PTPRK: variants seen among roughly 807,000 people sequenced by gnomAD.
PTPRK encodes the protein protein tyrosine phosphatase receptor type K.
PTPRK carries 75 observed loss-of-function variants against 178.0 expected under a neutral mutation model. The observed-to-expected ratio is 0.42, with a 90% CI of 0.35 to 0.51. PTPRK has a LOEUF of 0.51. Among genes scored for constraint, PTPRK ranks in the 20% least tolerant of loss-of-function variants. The probability of loss-of-function intolerance (pLI) is 0.02; values close to 1 mark genes in which losing one functional copy is unlikely to be tolerated. For synonymous variants in PTPRK, 637 were observed against 620.6 expected (o/e 1.03, Z -0.39); for missense variants, 1,441 against 1,797.8 (o/e 0.80, Z 3.59).
intron 13 of PTPRK, among the ~76,000 whole-genome samples, chr6:128,020,252 G>A (rs1773293509): frequency 6.6e-6 from 1 of 152,042 alleles, no homozygotes; most frequent in Admixed American, 6.6e-5. Context: ...AGTAAAACAA[G>A]CTGAGCTGAA....
chr6:128,220,299 G>A (rs557489482), intron 5 of PTPRK, among the ~76,000 whole-genome samples: 14 of 151,980 alleles, frequency 9.2e-5, no homozygotes, highest in African/African-American at 3.4e-4. Context: ...AAGTGAATAG[G>A]GTATAAAAAA....
chr6:128,298,473 A>T (rs539851327), intron 3 of PTPRK, among the ~76,000 whole-genome samples: 4,089 of 151,450 alleles, frequency 0.027, 203 homozygotes, highest in African/African-American at 0.095. Context: ...ATCCTCAATA[A>T]AATACTGGCA....
intron 1 of PTPRK, among the ~76,000 whole-genome samples, chr6:128,412,066 T>TA (rs1842366239): frequency 1.3e-5 from 2 of 152,332 alleles, no homozygotes; most frequent in Middle Eastern, 3.4e-3. Context: ...TTTAAATCCA[T>TA]AAAAAATTCT....
At chr6:128,005,321 A>T (rs1778293649) in intron 14 of PTPRK, 77 bp from the exon 15 acceptor site, 14 of 1,420,668 alleles carry the variant, frequency 9.9e-6, no homozygotes, top group Non-Finnish European at 9.7e-7. Context: ...TAAATAGTCC[A>T]GGTGAGCCCG....
At chr6:128,470,754 T>C (rs1372713253) in intron 1 of PTPRK, among the ~76,000 whole-genome samples, 33 of 149,802 alleles carry the variant, frequency 2.2e-4, no homozygotes, top group African/African-American at 6.8e-4. Context: ...TCTCTCTTTT[T>C]TTTTTTTTTT....
intron 1 of PTPRK, among the ~76,000 whole-genome samples, chr6:128,460,148 G>A (rs1040845869): frequency 6.6e-5 from 10 of 152,160 alleles, no homozygotes; most frequent in African/African-American, 2.4e-4. Flanking sequence ...TGAGATTTGG[G>A]TGGGGACACC....
At chr6:128,263,107 G>A (rs1022780829) in intron 3 of PTPRK, among the ~76,000 whole-genome samples, 1 of 152,048 alleles carries the variant, frequency 6.6e-6, no homozygotes, top group African/African-American at 2.4e-5. Context: ...AACGCTCCCT[G>A]GGCCAAACAC....
At chr6:128,098,468 C>A (rs901357428) in intron 7 of PTPRK, among the ~76,000 whole-genome samples, 1 of 152,034 alleles carries the variant, frequency 6.6e-6, no homozygotes, top group African/African-American at 2.4e-5. Context: ...TGGAACAGAG[C>A]CAAGTTACCC....
At chr6:128,483,326 G>T (rs1028828904) in intron 1 of PTPRK, among the ~76,000 whole-genome samples, 1 of 151,814 alleles carries the variant, frequency 6.6e-6, no homozygotes, top group African/African-American at 2.4e-5. Context: ...CCTATGAGAG[G>T]TATTTTTTTC....
rs750423577 is a variant in PTPRK, at chr6:128,422,676, C to CAAAAAAAA, written c.101-24996_101-24989dup. On this transcript the variant is annotated intron_variant, in intron 1 of 29. Coordinates refer to ENST00000368226, the MANE Select transcript of PTPRK (RefSeq NM_002844.4). Reference sequence around the variant, plus strand: ...AATAGTTTTTAACATTTCACGGACGCAAAAAAAAAAAAAAAAAAAAAAAAA... The same window carrying CAAAAAAAA: ...AATAGTTTTTAACATTTCACGGACGCAAAAAAAAAAAAAAAAAAAAAAAAAAAAAAAAA... Among the ~76,000 whole-genome samples the CAAAAAAAA allele has an allele frequency of 1.0e-3, 15 of 14,716 alleles. 1 individual carries two copies. The highest frequency in any genetic ancestry group is 2.5e-3 in the African/African-American group (15 of 6,038). 9.7% of individuals were successfully genotyped at this position (14,716 alleles called of 152,430 possible).
At chr6:128,492,482 G>A (rs1298894489) in intron 1 of PTPRK, among the ~76,000 whole-genome samples, 2 of 152,176 alleles carry the variant, frequency 1.3e-5, no homozygotes, top group East Asian at 3.9e-4. Context: ...TGGTGGTTGA[G>A]ATCAAGTATT....
At chr6:128,187,043 C>G (rs1348652765) in intron 6 of PTPRK, among the ~76,000 whole-genome samples, 1 of 152,040 alleles carries the variant, frequency 6.6e-6, no homozygotes, top group Non-Finnish European at 1.5e-5. Context: ...ATAGAATAAA[C>G]AGTCACAATA....
chr6:128,514,369 GAT>G, intron 1 of PTPRK, among the ~76,000 whole-genome samples: 1 of 120,738 alleles, frequency 8.3e-6, no homozygotes, highest in East Asian at 3.0e-4. Context: ...GCATTGTTAA[GAT>G]GTGTGTGTGT....
chr6:128,452,663 CTTA>C (rs1026407339), intron 1 of PTPRK, among the ~76,000 whole-genome samples: 6 of 152,068 alleles, frequency 3.9e-5, no homozygotes, highest in African/African-American at 1.4e-4. Flanking sequence ...TAGTCAATAC[CTTA>C]TTCTTTCACT....
chr6:128,100,242 A>G (rs145474816), intron 7 of PTPRK, among the ~76,000 whole-genome samples: 42 of 152,018 alleles, frequency 2.8e-4, no homozygotes, highest in African/African-American at 1.0e-3. Flanking sequence ...AGAATAATGA[A>G]CTCCTTCACT....
At chr6:128,150,298 C>T (rs1797068724) in intron 7 of PTPRK, among the ~76,000 whole-genome samples, 1 of 152,088 alleles carries the variant, frequency 6.6e-6, no homozygotes, top group Admixed American at 6.6e-5. Context: ...CCTTTTGACT[C>T]ACACAAATAC....
chr6:128,422,215 G>A (rs1259355171), intron 1 of PTPRK, among the ~76,000 whole-genome samples: 1 of 152,140 alleles, frequency 6.6e-6, no homozygotes, highest in Non-Finnish European at 1.5e-5. Context: ...CTGCATGTGT[G>A]CACATGCATG....
At position 128,122,148 on chromosome 6, in the gene PTPRK, A is replaced by G. The variant is rs144939864; in HGVS notation, c.1163-32156T>C. On this transcript the variant is annotated intron_variant, in intron 7 of 29. Coordinates refer to ENST00000368226, the MANE Select transcript of PTPRK (RefSeq NM_002844.4). ...TTAATAGCCTCGAGAAATGTTACGT[A>G]TGCTTGTAGCAGAGTTTATAAGTTT... Among the ~76,000 whole-genome samples, 77 of 152,274 alleles carry G rather than the reference A, an allele frequency of 5.1e-4. 1 individual carries two copies. In the East Asian group the frequency reaches 0.013, roughly 26 times the overall value.
chr6:128,080,203 G>A (rs1784566829), intron 10 of PTPRK, among the ~76,000 whole-genome samples: 1 of 151,952 alleles, frequency 6.6e-6, no homozygotes, highest in Non-Finnish European at 1.5e-5. Context: ...AATATGAAAG[G>A]GCATGGTACG....
Sources: gnomAD v4.1 joint callset for allele counts (sites outside exome capture counted in the v4.1 genomes callset) on GRCh38, gnomAD v4.1.1 for gene constraint, MANE v1.5 for transcripts, NCBI Gene and HGNC (gene_info 2026-07-23, HGNC 2026-07-21) for gene names.